The following RHPN2 variants were observed in gnomAD, a reference collection of about 807,000 sequenced individuals.
RHPN2 encodes the protein rhophilin-2.
A neutral mutation model predicts 79.0 loss-of-function variants in RHPN2; 40 were observed. The ratio of observed to expected loss-of-function variants is 0.51; its 90% CI spans 0.39 to 0.66. The LOEUF is 0.66. RHPN2 is among the 30% of genes least tolerant of loss of function. The pLI is 0.00. For missense variants in RHPN2, 686 were observed against 883.5 expected (o/e 0.78, Z 2.83); for synonymous variants, 285 against 363.5 (o/e 0.78, Z 2.46).
intron 12 of RHPN2, among the ~76,000 whole-genome samples, chr19:32,993,536 C>G (rs1291536642): frequency 1.3e-5 from 2 of 151,964 alleles, no homozygotes; most frequent in Non-Finnish European, 2.9e-5. Flanking sequence ...AATGTTTGTA[C>G]CCTCCCAAAG....
intron 14 of RHPN2, among the ~76,000 whole-genome samples, chr19:32,985,610 G>A (rs1046200270): frequency 1.9e-4 from 29 of 152,020 alleles, no homozygotes; most frequent in Non-Finnish European, 3.1e-4. Flanking sequence ...CAACGAGAGC[G>A]AGACCCTGTC....
At chr19:33,023,707 C>T (rs532430352) in intron 3 of RHPN2, among the ~76,000 whole-genome samples, 1 of 151,250 alleles carries the variant, frequency 6.6e-6, no homozygotes. Context: ...ATGGTGTGAA[C>T]CCGGGAGGCA....
chr19:33,005,312 C>A (rs540503804), intron 7 of RHPN2, among the ~76,000 whole-genome samples: 1 of 148,126 alleles, frequency 6.8e-6, no homozygotes, highest in South Asian at 2.2e-4. Flanking sequence ...ACTCCGGAGG[C>A]TGAGGCAGGA....
chr19:33,064,755 T>TGGCCCCCCCCCCCCCCCCC, intron 1 of RHPN2, 29 bp downstream of exon 1: 1 of 1,427,948 alleles, frequency 7.0e-7, no homozygotes, highest in Non-Finnish European at 9.4e-7. Context: ...AGCCCGCAGG[T>TGGCCCCCCCCCCCCCCCCC]CCCCGCCCGC....
At chr19:32,983,245 G>A (rs529818608) in intron 14 of RHPN2, among the ~76,000 whole-genome samples, 145 of 152,106 alleles carry the variant, frequency 9.5e-4, no homozygotes, top group Non-Finnish European at 1.5e-3. Flanking sequence ...GGGCGTGGTG[G>A]CTCACGCCTG....
intron 8 of RHPN2, 30 bp downstream of exon 8, chr19:33,002,783 C>T: frequency 4.3e-6 from 7 of 1,612,284 alleles, no homozygotes; most frequent in Non-Finnish European, 5.9e-6. Flanking sequence ...CTGCCCACTC[C>T]CCAAAGTCAC....
chr19:33,000,139 T>A (rs1971737473), intron 9 of RHPN2, among the ~76,000 whole-genome samples: 1 of 152,020 alleles, frequency 6.6e-6, no homozygotes, highest in Non-Finnish European at 1.5e-5. Context: ...CCCAAAGTGC[T>A]GGGATCAAAT....
intron 7 of RHPN2, among the ~76,000 whole-genome samples, chr19:33,003,679 A>T (rs543151620): frequency 1.3e-5 from 2 of 152,324 alleles, no homozygotes; most frequent in Non-Finnish European, 2.9e-5. Flanking sequence ...CACATGGTAC[A>T]GTGTAAATAA....
chr19:33,018,815 C>T (rs112458086), intron 4 of RHPN2, among the ~76,000 whole-genome samples: 95 of 151,800 alleles, frequency 6.3e-4, no homozygotes, highest in Non-Finnish European at 1.0e-3. Context: ...GAGGCCGAGG[C>T]GGGTGGATCG....
At chr19:32,987,177 C>T (rs1336103477) in intron 14 of RHPN2, among the ~76,000 whole-genome samples, 1 of 152,094 alleles carries the variant, frequency 6.6e-6, no homozygotes, top group Non-Finnish European at 1.5e-5. Context: ...CATGCCAAGA[C>T]ACCAGTGATT....
chr19:32,997,161 A>G (rs1568311597), intron 10 of RHPN2, among the ~76,000 whole-genome samples: 1 of 152,132 alleles, frequency 6.6e-6, no homozygotes, highest in Non-Finnish European at 1.5e-5. Context: ...AGCCTCCCAG[A>G]CTGCTGGGAT....
At chr19:32,997,791 A>T (rs1233214655) in intron 10 of RHPN2, among the ~76,000 whole-genome samples, 1 of 152,110 alleles carries the variant, frequency 6.6e-6, no homozygotes, top group Admixed American at 6.6e-5. Context: ...ACACCCGGCC[A>T]AGGAAAGCTT....
chr19:33,017,703 TAAAAAAA>T (rs758409340), intron 4 of RHPN2, among the ~76,000 whole-genome samples: 1 of 98,102 alleles, frequency 1.0e-5, no homozygotes, highest in East Asian at 2.8e-4. Context: ...CCCCATCTCT[TAAAAAAA>T]AAAAAAAAAA....
chr19:33,039,137 C>T (rs981999998), intron 2 of RHPN2, among the ~76,000 whole-genome samples: 2 of 152,134 alleles, frequency 1.3e-5, no homozygotes, highest in Non-Finnish European at 2.9e-5. Context: ...TAGCCTTAGT[C>T]CATCTGATCC....
intron 14 of RHPN2, among the ~76,000 whole-genome samples, chr19:32,981,519 A>C (rs1239420208): frequency 6.6e-6 from 1 of 151,406 alleles, no homozygotes; most frequent in Non-Finnish European, 1.5e-5. Context: ...GGAAAAAAAA[A>C]AAAAGAGTAT....
intron 2 of RHPN2, among the ~76,000 whole-genome samples, chr19:33,033,256 G>A (rs1171055151): frequency 6.6e-6 from 1 of 152,022 alleles, no homozygotes; most frequent in Non-Finnish European, 1.5e-5. Context: ...TAGTACCACA[G>A]TAGGTTCGAC....
chr19:32,990,910 TC>T, intron 13 of RHPN2: 2 of 479,830 alleles, frequency 4.2e-6, no homozygotes, highest in Non-Finnish European at 7.7e-6. Flanking sequence ...GCACCTGTAG[TC>T]CTAGCTACTT....
chr19:33,059,361 C>T (rs1007340271), intron 1 of RHPN2, among the ~76,000 whole-genome samples: 6 of 150,774 alleles, frequency 4.0e-5, no homozygotes, highest in African/African-American at 7.4e-5. Context: ...TGCAGTGGCG[C>T]GATCTCGGCT....
chr19:33,025,365 C>A (rs2145249266), intron 3 of RHPN2, among the ~76,000 whole-genome samples: 1 of 151,244 alleles, frequency 6.6e-6, no homozygotes, highest in Non-Finnish European at 1.5e-5. Flanking sequence ...GCCTGTAATC[C>A]CAGCTACTCA....
Sources: gnomAD v4.1 joint callset for allele counts (sites outside exome capture counted in the v4.1 genomes callset) on GRCh38, gnomAD v4.1.1 for gene constraint, MANE v1.5 for transcripts, NCBI Gene and HGNC (gene_info 2026-07-23, HGNC 2026-07-21) for gene names.